The following TBC1D9B variants were observed in gnomAD, a reference collection of about 807,000 sequenced individuals.
TBC1D9B encodes the protein TBC1 domain family, member 9B (with GRAM domain).
TBC1D9B carries 87 observed loss-of-function variants against 121.1 expected under a neutral mutation model. That is an observed-to-expected ratio of 0.72 (90% CI 0.60 to 0.86). The LOEUF is 0.86. Among genes scored for constraint, TBC1D9B ranks in the 40% least tolerant of loss-of-function variants. The pLI, the probability that TBC1D9B is intolerant of heterozygous loss-of-function variation, is 0.00. For missense variants in TBC1D9B, 1,540 were observed against 1,628.6 expected (o/e 0.95, Z 0.94); for synonymous variants, 668 against 670.1 (o/e 1.00, Z 0.05).
chr5:179,866,093 C>T (rs1190667955), intron 18 of TBC1D9B: 3 of 576,146 alleles, frequency 5.2e-6, no homozygotes, highest in Non-Finnish European at 9.2e-6. Context: ...TGAGCATTCC[C>T]TCACTTGGTC....
intron 2 of TBC1D9B, 112 bp from the exon 3 acceptor site, chr5:179,899,419 C>T (rs1207255655): frequency 1.2e-6 from 1 of 827,980 alleles, no homozygotes; most frequent in Non-Finnish European, 2.0e-6. Flanking sequence ...ATCTAAGTGA[C>T]CAGAATCTTC....
In TBC1D9B at chr5:179,893,340, G is replaced by T; in HGVS notation, c.705C>A (p.Gly235=). The T allele has an allele frequency of 1.2e-6, 2 of 1,614,146 alleles. No individual in the cohort carries two copies. The highest frequency in any genetic ancestry group is 1.7e-6 in the Non-Finnish European group (2 of 1,180,038). ...ELFFSMFLNI[G]ETFKLMEQLA... is the part of the protein sequence containing the mutation. ...ACTGCTCCATGAGCTTGAAGGTCTC[G>T]CCGATGTTGAGGAACATGGAGAAGA... Residue 235 remains glycine, a synonymous_variant, in exon 5 of 21, where the codon GGC becomes GGA. Coordinates refer to ENST00000355235, the MANE Select transcript of TBC1D9B (RefSeq NM_015043.4).
At chr5:179,887,369 G>C (rs1014178275) in intron 7 of TBC1D9B, among the ~76,000 whole-genome samples, 2 of 152,250 alleles carry the variant, frequency 1.3e-5, no homozygotes, top group South Asian at 2.1e-4. Context: ...ATGTGATCAC[G>C]GCTCTCGGTC....
In TBC1D9B at chr5:179,891,412, C is replaced by A; in HGVS notation, c.1011G>T (p.Glu337Asp). 1.2e-6 allele frequency: 2 copies of A among 1,614,152 alleles called. No individual in the cohort carries two copies. Among genetic ancestry groups the A allele is most frequent in the Non-Finnish European group, 8.5e-7 (1 of 1,179,954 alleles). The change falls in exon 6 of 21, where the codon GAG (glutamate) becomes GAT (aspartate). Residue 337 changes from glutamate (E) to aspartate (D), a missense_variant. Physicochemically the swap from Glu to Asp is conservative, Grantham distance 45. Transcript: ENST00000355235. The surrounding 1 kb of genome is among the most constrained non-coding windows in gnomAD (Gnocchi z 4.3). Reference sequence around the variant, plus strand: ...GGGGTATGATGAGGTGGCAAGCGTCCTCCTCCTTGCTGGCGAAGCAGATGT... The same window carrying A: ...GGGGTATGATGAGGTGGCAAGCGTCATCCTCCTTGCTGGCGAAGCAGATGT... ...NNYICFASKE[E>D]DACHLIIPLR...
Position 179,907,725 on chromosome 5 carries a change from C to G in TBC1D9B, c.97G>C (p.Gly33Arg). 3 of 1,184,020 alleles carry G rather than the reference C, an allele frequency of 2.5e-6. No homozygotes were observed. 73.3% of individuals were successfully genotyped at this position (1,184,020 alleles called of 1,614,324 possible). ...FFVLQRRRGH[G>R]RGGGLTGLLV... ...TCACCCGTAAGGCCGCCGCCCCTGCCGTGGCCCCGGCGTCGCTGCAGCACG... is the reference window on the plus strand; with the variant it reads ...TCACCCGTAAGGCCGCCGCCCCTGCGGTGGCCCCGGCGTCGCTGCAGCACG... Residue 33 changes from glycine to arginine, a missense_variant, in exon 1 of 21, where the codon GGC becomes CGC. Transcript: ENST00000355235. This position sits in a 1 kb window ranked among gnomAD's most constrained non-coding sequence, Gnocchi z 5.3.
intron 6 of TBC1D9B, among the ~76,000 whole-genome samples, chr5:179,889,092 C>T (rs1017243389): frequency 2.3e-4 from 34 of 151,094 alleles, no homozygotes; most frequent in African/African-American, 7.8e-4. Flanking sequence ...TGCAGTGGTG[C>T]GATCTCAGCT....
intron 7 of TBC1D9B, among the ~76,000 whole-genome samples, chr5:179,883,071 C>G (rs1325286601): frequency 6.6e-6 from 1 of 152,176 alleles, no homozygotes; most frequent in African/African-American, 2.4e-5. Context: ...GTTGGCCAGG[C>G]TGGTTTTGAA....
At chr5:179,887,217 GC>G (rs1479674705) in intron 7 of TBC1D9B, among the ~76,000 whole-genome samples, 3 of 152,234 alleles carry the variant, frequency 2.0e-5, no homozygotes, top group Non-Finnish European at 2.9e-5. Flanking sequence ...CTGGCCACTG[GC>G]CGCTGGATCC....
At chr5:179,872,833 G>A (rs1760242053) in intron 14 of TBC1D9B, 59 bp downstream of exon 14, 3 of 1,543,916 alleles carry the variant, frequency 1.9e-6, no homozygotes, top group Admixed American at 1.7e-5. Flanking sequence ...CCTGCTCTGT[G>A]GGGAAGGCAC....
chr5:179,867,691 T>G (rs1449668944), intron 18 of TBC1D9B, 87 bp downstream of exon 18: 2 of 1,581,314 alleles, frequency 1.3e-6, no homozygotes, highest in Non-Finnish European at 1.7e-6. Context: ...CAGGTGGGAC[T>G]GCTGGCCACT....
chr5:179,878,343 T>C lies in TBC1D9B; in HGVS notation c.1748A>G (p.Tyr583Cys), dbSNP rs1034043531. ...IAALRRVLTA[Y>C]AFRNPTIGYC... ...GCCGATGGTGGGGTTTCGGAAGGCATAGGCAGTCAGCACCCGCCGGAGGGC... is the reference window on the plus strand; with the variant it reads ...GCCGATGGTGGGGTTTCGGAAGGCACAGGCAGTCAGCACCCGCCGGAGGGC... Residue 583 changes from tyrosine (Y) to cysteine (C), a missense_variant, in exon 10 of 21, where the codon TAT becomes TGT. Tyr to Cys is a radical substitution (Grantham distance 194). Coordinates refer to ENST00000355235, the MANE Select transcript of TBC1D9B (RefSeq NM_015043.4). The C allele has an allele frequency of 7.4e-6, 12 of 1,613,612 alleles. No individual in the cohort carries two copies. The highest frequency in any genetic ancestry group is 1.0e-5 in the Non-Finnish European group (12 of 1,179,940).
intron 5 of TBC1D9B, among the ~76,000 whole-genome samples, chr5:179,892,042 TA>T (rs1052832088): frequency 2.0e-5 from 3 of 152,132 alleles, no homozygotes; most frequent in African/African-American, 7.2e-5. Flanking sequence ...GTGTGGAGCT[TA>T]AACTAAAGCA....
chr5:179,897,080 T>TTG (rs1241018734), intron 3 of TBC1D9B, among the ~76,000 whole-genome samples: 1 of 151,142 alleles, frequency 6.6e-6, no homozygotes, highest in Non-Finnish European at 1.5e-5. Context: ...CTAATTTTTT[T>TTG]GTATTTTTAG....
chr5:179,872,848 G>GGGCCCCCCCCCCCCCCCCCCCCC, intron 14 of TBC1D9B, 44 bp downstream of exon 14: 1 of 1,457,256 alleles, frequency 6.9e-7, no homozygotes, highest in Non-Finnish European at 9.5e-7. Flanking sequence ...AGGCACTGCT[G>GGGCCCCCCCCCCCCCCCCCCCCC]CCCCCCCAGC....
Position 179,875,135 on chromosome 5 carries a change from C to T in TBC1D9B, c.1953G>A (p.Pro651=), listed in dbSNP as rs369762546. ...IFEELTRDFL[P]QLSEKMQDLG... is the part of the protein sequence containing the mutation. ...GGTCCTGCATCTTCTCCGAGAGCTG[C>T]GGCAGGAAGTCTCTCGTGAGCTCTT... Residue 651 remains proline, a synonymous_variant, in exon 12 of 21, where the codon CCG becomes CCA. Transcript: ENST00000355235. This position sits in a 1 kb window ranked among gnomAD's most constrained non-coding sequence, Gnocchi z 4.5. 23 of 1,613,818 alleles carry T rather than the reference C, an allele frequency of 1.4e-5. No individual in the cohort carries two copies. The highest frequency in any genetic ancestry group is 1.6e-4 in the Middle Eastern group (1 of 6,084).
At position 179,904,546 on chromosome 5, in the gene TBC1D9B, G is replaced by A. The variant is rs1761258185; in HGVS notation, c.229+156C>T. 6.6e-6 allele frequency among the ~76,000 whole-genome samples: 1 copy of A among 152,168 alleles called. No individual in the cohort carries two copies. The highest frequency in any genetic ancestry group is 2.4e-5 in the African/African-American group (1 of 41,450). On this transcript the variant is annotated intron_variant, in intron 2 of 20. Coordinates refer to ENST00000355235, the MANE Select transcript of TBC1D9B (RefSeq NM_015043.4). This position sits in a 1 kb window ranked among gnomAD's most constrained non-coding sequence, Gnocchi z 4.2. The stretch of plus-strand genomic sequence containing the variant: ...GGCCACGGAGCTGCCTTTCTAAGAT[G>A]GAAGCGAAGGCTCCTCCACTTCCCT...
At chr5:179,905,439 T>G (rs923759572) in intron 1 of TBC1D9B, among the ~76,000 whole-genome samples, 1 of 151,862 alleles carries the variant, frequency 6.6e-6, no homozygotes, top group Non-Finnish European at 1.5e-5. Flanking sequence ...TCTTTTAGCC[T>G]CAAAAAATCA....
At chr5:179,869,263 T>G in intron 17 of TBC1D9B, 1 of 285,942 alleles carries the variant, frequency 3.5e-6, no homozygotes, top group Non-Finnish European at 7.0e-6. Flanking sequence ...GCATTGTCCA[T>G]GCAGCCACTC....
In TBC1D9B at chr5:179,879,778, A is replaced by G; in HGVS notation, c.1266T>C (p.Ala422=). The G allele has an allele frequency of 1.2e-6, 2 of 1,610,544 alleles. No individual in the cohort carries two copies. The highest frequency in any genetic ancestry group is 1.7e-5 in the Admixed American group (1 of 59,250). Residue 422 remains alanine (A), a synonymous_variant, in exon 8 of 21, where the codon GCT becomes GCC. Coordinates refer to ENST00000355235, the MANE Select transcript of TBC1D9B (RefSeq NM_015043.4). The part of the protein sequence containing the change: ...VVDPSTESSP[A]PQEGSEQPAS... ...CGGGCTGCTCCGACCCCTCCTGAGG[A>G]GCTGGGGAAGACTAGAAAATAAAAC...
Sources: gnomAD v4.1 joint callset for allele counts (sites outside exome capture counted in the v4.1 genomes callset) on GRCh38, gnomAD v4.1.1 for gene constraint, Gnocchi (gnomAD v3.1) non-coding constraint, MANE v1.5 for transcripts, NCBI Gene and HGNC (gene_info 2026-07-23, HGNC 2026-07-21) for gene names.